The following HCN1 variants were observed in gnomAD, a reference collection of about 807,000 sequenced individuals.
The protein encoded by HCN1 is potassium/sodium hyperpolarization-activated cyclic nucleotide-gated channel 1.
Under a neutral mutation model 78.9 loss-of-function variants are expected in HCN1, and 13 were observed. The observed-to-expected ratio is 0.16, with a 90% confidence interval of 0.11 to 0.26. The LOEUF (loss-of-function observed/expected upper bound fraction) is 0.26, where lower values mean the gene tolerates loss of function less well. Among genes scored for constraint, HCN1 ranks in the 10% least tolerant of loss-of-function variants. The pLI is 1.00. For missense variants in HCN1, 810 were observed against 1,154.3 expected (o/e 0.70, Z 4.32); for synonymous variants, 552 against 455.5 (o/e 1.21, Z -2.70).
intron 5 of HCN1, among the ~76,000 whole-genome samples, chr5:45,312,639 G>A (rs1384353602): frequency 1.3e-5 from 2 of 152,180 alleles, no homozygotes; most frequent in Admixed American, 1.3e-4. Context: ...GTGACAGACA[G>A]CACCTGGAAA....
chr5:45,327,734 CTGACTGGCTG>C (rs1346879986), intron 5 of HCN1, among the ~76,000 whole-genome samples: 3 of 150,946 alleles, frequency 2.0e-5, no homozygotes, highest in African/African-American at 7.3e-5. Context: ...ATAATCCAAT[CTGACTGGCTG>C]ACTGGCGTCC....
chr5:45,667,363 A>G (rs911210545), intron 1 of HCN1, among the ~76,000 whole-genome samples: 2 of 152,018 alleles, frequency 1.3e-5, no homozygotes, highest in African/African-American at 2.4e-5. Context: ...AGGGAAATCT[A>G]TTAGTTTCCT....
At chr5:45,341,322 G>A (rs1160706413) in intron 5 of HCN1, among the ~76,000 whole-genome samples, 1 of 152,176 alleles carries the variant, frequency 6.6e-6, no homozygotes, top group Non-Finnish European at 1.5e-5. Flanking sequence ...CAACATCGTA[G>A]ACATCACAAT....
chr5:45,442,582 T>C (rs1740700071), intron 3 of HCN1, among the ~76,000 whole-genome samples: 1 of 150,396 alleles, frequency 6.6e-6, no homozygotes, highest in Non-Finnish European at 1.5e-5. Flanking sequence ...GGTATGTGTA[T>C]ATATATGTAA....
At chr5:45,586,928 C>A (rs942358348) in intron 2 of HCN1, among the ~76,000 whole-genome samples, 2 of 152,172 alleles carry the variant, frequency 1.3e-5, no homozygotes, top group Admixed American at 1.3e-4. Context: ...ATATGCACCT[C>A]AATTCTGTGG....
At chr5:45,330,960 G>T (rs920839037) in intron 5 of HCN1, among the ~76,000 whole-genome samples, 1 of 151,078 alleles carries the variant, frequency 6.6e-6, no homozygotes, top group African/African-American at 2.4e-5. Context: ...ATATGCCTTT[G>T]TATCTGTCTT....
rs532769066 is a variant in HCN1, at chr5:45,255,128, C to T, written c.*6793G>A. ...CTAACACATATTAGTTTTCTCTTCC[C>T]TGGTTCTAACTAGCAAGTGCCAGGA... On this transcript the variant is annotated 3_prime_UTR_variant, in exon 8 of 8. Coordinates refer to ENST00000303230, the MANE Select transcript of HCN1 (RefSeq NM_021072.4). 2 of 152,306 alleles carry T rather than the reference C, an allele frequency of 1.3e-5. No homozygotes were observed. The highest frequency in any genetic ancestry group is 1.9e-4 in the East Asian group (1 of 5,184). The allele number at this position is 152,306 out of a possible 1,614,324, so 9.4% of individuals were successfully genotyped here.
At chr5:45,678,003 C>CAA (rs1309894871) in intron 1 of HCN1, among the ~76,000 whole-genome samples, 2 of 78,942 alleles carry the variant, frequency 2.5e-5, no homozygotes, top group East Asian at 8.4e-4. Context: ...CACACACACA[C>CAA]ACACACACAC....
intron 3 of HCN1, among the ~76,000 whole-genome samples, chr5:45,436,902 T>C (rs1740568469): frequency 1.3e-5 from 2 of 152,062 alleles, no homozygotes; most frequent in African/African-American, 4.8e-5. Flanking sequence ...CCAGAGAAAA[T>C]AAGTCCGATC....
intron 5 of HCN1, among the ~76,000 whole-genome samples, chr5:45,321,565 G>A (rs1746127028): frequency 6.6e-6 from 1 of 151,748 alleles, no homozygotes; most frequent in Non-Finnish European, 1.5e-5. Flanking sequence ...AAAAAAAAGA[G>A]TCACTTTTAG....
At chr5:45,570,306 C>G (rs1394477801) in intron 2 of HCN1, among the ~76,000 whole-genome samples, 1 of 151,692 alleles carries the variant, frequency 6.6e-6, no homozygotes, top group African/African-American at 2.4e-5. Context: ...GCTTATGTTT[C>G]TTTTATTACA....
intron 3 of HCN1, among the ~76,000 whole-genome samples, chr5:45,401,025 C>T (rs1170965147): frequency 6.6e-6 from 1 of 152,038 alleles, no homozygotes; most frequent in East Asian, 1.9e-4. Context: ...GTCATTTTTT[C>T]CATTGTTCTC....
At position 45,259,346 on chromosome 5, in the gene HCN1, G is replaced by T. The variant is rs1382727384; in HGVS notation, c.*2575C>A. ...AAAAGAAATACTCTAACTCATCCCTGATCATACAGTTGTTGTAAGAATCAG... is the reference window on the plus strand; with the variant it reads ...AAAAGAAATACTCTAACTCATCCCTTATCATACAGTTGTTGTAAGAATCAG... On this transcript the variant is annotated 3_prime_UTR_variant, in exon 8 of 8. Transcript: ENST00000303230. 1 of 152,292 alleles carries T rather than the reference G, an allele frequency of 6.6e-6. No individual in the cohort carries two copies. The highest frequency in any genetic ancestry group is 2.4e-5 in the African/African-American group (1 of 41,370). 9.4% of individuals were successfully genotyped at this position (152,292 alleles called of 1,614,324 possible).
At chr5:45,405,775 C>T (rs1372578196) in intron 3 of HCN1, among the ~76,000 whole-genome samples, 1 of 151,976 alleles carries the variant, frequency 6.6e-6, no homozygotes, top group African/African-American at 2.4e-5. Context: ...CAACCTTTTG[C>T]CTTATAAGAG....
chr5:45,435,181 C>A (rs1446459050), intron 3 of HCN1, among the ~76,000 whole-genome samples: 1 of 151,984 alleles, frequency 6.6e-6, no homozygotes, highest in South Asian at 2.1e-4. Flanking sequence ...CATCAAATCA[C>A]TAATTTATAT....
intron 1 of HCN1, among the ~76,000 whole-genome samples, chr5:45,652,408 T>C (rs1745691405): frequency 6.6e-6 from 1 of 151,960 alleles, no homozygotes; most frequent in Admixed American, 6.6e-5. Flanking sequence ...TCAATTCTTA[T>C]CTGACTCCTC....
At chr5:45,443,058 G>C (rs1740714877) in intron 3 of HCN1, among the ~76,000 whole-genome samples, 1 of 151,842 alleles carries the variant, frequency 6.6e-6, no homozygotes, top group Non-Finnish European at 1.5e-5. Flanking sequence ...TAGTTACAGG[G>C]GAATTTTGCC....
intron 4 of HCN1, among the ~76,000 whole-genome samples, chr5:45,393,797 T>C (rs1216851888): frequency 6.6e-6 from 1 of 152,212 alleles, no homozygotes; most frequent in Non-Finnish European, 1.5e-5. Flanking sequence ...ACTGAATCTG[T>C]CCTATGCTCA....
chr5:45,680,071 T>C (rs1443691203), intron 1 of HCN1, among the ~76,000 whole-genome samples: 1 of 152,132 alleles, frequency 6.6e-6, no homozygotes, highest in Non-Finnish European at 1.5e-5. Context: ...TCTCTCTCTT[T>C]CCAACATGAT....
Sources: allele counts gnomAD v4.1 joint callset (sites outside exome capture counted in the v4.1 genomes callset), GRCh38; gene constraint gnomAD v4.1.1; transcripts MANE v1.5; gene names NCBI Gene and HGNC (gene_info 2026-07-23, HGNC 2026-07-21).